The following NRG3 variants were observed in gnomAD, a reference collection of about 807,000 sequenced individuals.
NRG3 encodes neuregulin 3, also known as pro-neuregulin-3, membrane-bound isoform.
A neutral mutation model predicts 66.9 loss-of-function variants in NRG3; 31 were observed. The observed-to-expected ratio is 0.46, with a 90% CI of 0.35 to 0.63. NRG3 has a LOEUF of 0.63. NRG3 is among the 20% of genes least tolerant of loss of function. The probability of loss-of-function intolerance (pLI) is 0.00; values close to 1 mark genes in which losing one functional copy is unlikely to be tolerated. For synonymous variants in NRG3, 393 were observed against 359.4 expected (o/e 1.09, Z -1.06); for missense variants, 910 against 878.9 (o/e 1.04, Z -0.45).
At chr10:82,925,419 C>T (rs533239871) in intron 4 of NRG3, among the ~76,000 whole-genome samples, 1 of 152,318 alleles carries the variant, frequency 6.6e-6, no homozygotes, top group East Asian at 1.9e-4. Context: ...ATAATGGTCC[C>T]AGCACTGTTG....
At chr10:82,578,573 A>G (rs755480448) in intron 2 of NRG3, among the ~76,000 whole-genome samples, 10 of 151,660 alleles carry the variant, frequency 6.6e-5, no homozygotes, top group Non-Finnish European at 1.2e-4. Context: ...TCTACAGATG[A>G]GCAAATGGAG....
intron 1 of NRG3, chr10:82,228,872 A>G (rs2076303440): frequency 6.6e-6 from 1 of 152,252 alleles, no homozygotes; most frequent in Admixed American, 6.5e-5. Context: ...AAGCCACTGA[A>G]CGTGATGAAG....
chr10:82,191,951 T>A (rs2074166549), intron 1 of NRG3, among the ~76,000 whole-genome samples: 1 of 152,206 alleles, frequency 6.6e-6, no homozygotes, highest in South Asian at 2.1e-4. Context: ...TTCTAATACA[T>A]GAACACTTTC....
chr10:82,009,519 C>G (rs1431104037), intron 1 of NRG3, among the ~76,000 whole-genome samples: 1 of 152,170 alleles, frequency 6.6e-6, no homozygotes, highest in African/African-American at 2.4e-5. Context: ...TGTCCTTACA[C>G]GACTTCCCCT....
chr10:82,113,627 A>G (rs2067523330), intron 1 of NRG3, among the ~76,000 whole-genome samples: 1 of 152,172 alleles, frequency 6.6e-6, no homozygotes. Context: ...CCTGGAACAG[A>G]TAAAAGACAT....
chr10:81,940,700 T>A (rs1411380546), intron 1 of NRG3, among the ~76,000 whole-genome samples: 2 of 151,206 alleles, frequency 1.3e-5, no homozygotes, highest in Admixed American at 1.3e-4. Flanking sequence ...TTGGTCATGC[T>A]TACATGCAAA....
At chr10:81,992,709 C>G (rs910812803) in intron 1 of NRG3, among the ~76,000 whole-genome samples, 3 of 152,076 alleles carry the variant, frequency 2.0e-5, no homozygotes, top group Non-Finnish European at 4.4e-5. Flanking sequence ...TTCTGTCTTC[C>G]CATTTAGCTT....
chr10:82,801,603 A>G (rs1471990680), intron 3 of NRG3, among the ~76,000 whole-genome samples: 1 of 152,176 alleles, frequency 6.6e-6, no homozygotes, highest in Non-Finnish European at 1.5e-5. Context: ...GGAAAATTGT[A>G]ATCTTCAGCT....
chr10:82,397,958 A>G (rs1003951801), intron 2 of NRG3, among the ~76,000 whole-genome samples: 6 of 152,140 alleles, frequency 3.9e-5, no homozygotes. Context: ...CTCACCCACA[A>G]AGGGCAGTCT....
chr10:82,211,654 T>C (rs2075399520), intron 1 of NRG3, among the ~76,000 whole-genome samples: 1 of 152,268 alleles, frequency 6.6e-6, no homozygotes, highest in East Asian at 1.9e-4. Flanking sequence ...CATTGCTGAA[T>C]GGGGCTGAAG....
At position 82,856,756 on chromosome 10, in the gene NRG3, C is replaced by CAAAAAAAAAAAAAAA. The variant is rs67224862; in HGVS notation, c.1028-8652_1028-8638dup. ...AAGACTCTGTCTCAAAAAAAAAAAA[C>CAAAAAAAAAAAAAAA]AAAAAAAAAAAAAAAAAGAAAAGAA... is the stretch of plus-strand genomic sequence containing the variant. On this transcript the variant is annotated intron_variant, in intron 3 of 8. Coordinates refer to ENST00000372141, the MANE Select transcript of NRG3 (RefSeq NM_001010848.4). 1.3e-3 allele frequency among the ~76,000 whole-genome samples: 136 copies of CAAAAAAAAAAAAAAA among 107,374 alleles called. 2 individuals carry two copies. Among genetic ancestry groups the CAAAAAAAAAAAAAAA allele is most frequent in the East Asian group, 2.8e-3 (9 of 3,262 alleles). 70.4% of individuals were successfully genotyped at this position (107,374 alleles called of 152,430 possible). A position where few individuals can be genotyped will look rare whatever the true frequency, so the allele number is the denominator to read the frequency against.
At chr10:82,856,980 G>T (rs980758707) in intron 3 of NRG3, among the ~76,000 whole-genome samples, 4 of 152,056 alleles carry the variant, frequency 2.6e-5, no homozygotes, top group African/African-American at 9.7e-5. Flanking sequence ...TCTCTATAAT[G>T]GTAATTCCTA....
chr10:81,935,330 A>T (rs1394397926), intron 1 of NRG3, among the ~76,000 whole-genome samples: 2 of 152,208 alleles, frequency 1.3e-5, no homozygotes, highest in Non-Finnish European at 2.9e-5. Flanking sequence ...GAGTTCTGTC[A>T]TTATATGAAT....
chr10:82,962,638 A>G (rs1046814049), intron 6 of NRG3, among the ~76,000 whole-genome samples: 2 of 152,270 alleles, frequency 1.3e-5, no homozygotes, highest in African/African-American at 4.8e-5. Flanking sequence ...CGGGAGTTCA[A>G]GACCACCCTG....
In NRG3 at chr10:81,916,679, A is replaced by G. The variant is rs886210394; in HGVS notation, c.823+40516A>G. Among the ~76,000 whole-genome samples the G allele has an allele frequency of 5.3e-5, 8 of 152,174 alleles. No homozygotes were observed. The East Asian group carries it at 1.2e-3, about 22-fold the overall frequency. On this transcript the variant is annotated intron_variant, in intron 1 of 8. Coordinates refer to ENST00000372141, the MANE Select transcript of NRG3 (RefSeq NM_001010848.4). ...GAAAAAATACATAGTGAAGGTGGCT[A>G]TGAGCACAAACTCTAGTAGAAGGGC...
At chr10:82,717,839 C>G (rs2057067582) in intron 2 of NRG3, among the ~76,000 whole-genome samples, 1 of 150,704 alleles carries the variant, frequency 6.6e-6, no homozygotes, top group African/African-American at 2.5e-5. Context: ...CTGTATGGTT[C>G]TATTGAAAAG....
At chr10:81,933,193 G>A (rs1459037000) in intron 1 of NRG3, among the ~76,000 whole-genome samples, 1 of 151,460 alleles carries the variant, frequency 6.6e-6, no homozygotes, top group Non-Finnish European at 1.5e-5. Context: ...AGAGGATCAA[G>A]CCTCTAAGAA....
intron 4 of NRG3, among the ~76,000 whole-genome samples, chr10:82,941,011 T>G (rs1923578): frequency 1.3e-5 from 2 of 151,846 alleles, no homozygotes; most frequent in East Asian, 3.9e-4. Flanking sequence ...GAGTTTCAAG[T>G]AGAAAAAGGG....
chr10:82,947,876 T>C (rs2132324961), intron 4 of NRG3, among the ~76,000 whole-genome samples: 1 of 152,242 alleles, frequency 6.6e-6, no homozygotes, highest in African/African-American at 2.4e-5. Context: ...GCCTTTTGAT[T>C]TTCATAATGG....
Sources: allele counts gnomAD v4.1 joint callset (sites outside exome capture counted in the v4.1 genomes callset), GRCh38; gene constraint gnomAD v4.1.1; transcripts MANE v1.5; gene names NCBI Gene and HGNC (gene_info 2026-07-23, HGNC 2026-07-21).